ITGA11: variants seen among roughly 807,000 people sequenced by gnomAD.
The protein encoded by ITGA11 is integrin subunit alpha 11.
In ITGA11, 97 loss-of-function variants were observed where a neutral mutation model predicts 141.9. The observed-to-expected ratio is 0.68, with a 90% confidence interval of 0.58 to 0.81. The LOEUF is 0.81. ITGA11 is among the 30% of genes least tolerant of loss of function. The pLI is 0.00. For missense variants in ITGA11, 1,387 were observed against 1,559.2 expected, an observed-to-expected ratio of 0.89 and a Z score of 1.86; for synonymous variants, 658 against 624.6, an observed-to-expected ratio of 1.05 and a Z score of -0.80.
chr15:68,316,826 C>T (rs1893596374), intron 21 of ITGA11, among the ~76,000 whole-genome samples: 1 of 152,238 alleles, frequency 6.6e-6, no homozygotes, highest in Non-Finnish European at 1.5e-5. Context: ...CCTTTCCCAG[C>T]TACTTTGCTT....
At chr15:68,383,751 T>G (rs1382140235) in intron 2 of ITGA11, among the ~76,000 whole-genome samples, 1 of 152,170 alleles carries the variant, frequency 6.6e-6, no homozygotes, top group Non-Finnish European at 1.5e-5. Flanking sequence ...CAACATTTCT[T>G]TATTCTCCAC....
chr15:68,368,047 G>A (rs1895481932), intron 3 of ITGA11, among the ~76,000 whole-genome samples: 1 of 152,370 alleles, frequency 6.6e-6, no homozygotes, highest in South Asian at 2.1e-4. Flanking sequence ...GACAGCGGGA[G>A]CCTCCGGGAC....
intron 2 of ITGA11, among the ~76,000 whole-genome samples, chr15:68,377,270 T>C (rs1895751506): frequency 6.6e-6 from 1 of 152,184 alleles, no homozygotes; most frequent in Non-Finnish European, 1.5e-5. Context: ...TGCAAACTAA[T>C]ACTTTTGTTT....
Position 68,350,708 on chromosome 15 carries a change from G to A in ITGA11, c.969C>T (p.Asp323=). 1 of 1,613,918 alleles carries A rather than the reference G, an allele frequency of 6.2e-7. No homozygotes were observed. The highest frequency in any genetic ancestry group is 8.5e-7 in the Non-Finnish European group (1 of 1,179,852). ...CATTGAAGAAGTGCTTGTCATCAGG[G>A]TCACTGGCGATGTATTTGATTTCAT... ...FLNEIKYIAS[D]PDDKHFFNVT... The change falls in exon 9 of 30, where the codon GAC becomes GAT. Residue 323 remains aspartate (D), a synonymous_variant. Coordinates refer to ENST00000315757, the MANE Select transcript of ITGA11 (RefSeq NM_001004439.2).
Position 68,335,825 on chromosome 15 carries a change from C to T in ITGA11, c.1297G>A (p.Val433Met), listed in dbSNP as rs2306022. 0.078 allele frequency: 126,203 copies of T among 1,612,980 alleles called. 5,339 individuals are homozygous for T. The highest frequency in any genetic ancestry group is 0.088 in the Non-Finnish European group (103,331 of 1,179,438). Reference sequence around the variant, plus strand: ...TACACCCGCCCCTGCCTGGAGGACACGACCGATGTGACTGTGTACCCTGCC... The same window carrying T: ...TACACCCGCCCCTGCCTGGAGGACATGACCGATGTGACTGTGTACCCTGCC... ...AYLGYTVTSV[V>M]SSRQGRVYVA... The change falls in exon 12 of 30, where the codon GTG becomes ATG. Residue 433 changes from valine to methionine, a missense_variant. Physicochemically the swap from Val to Met is conservative, Grantham distance 21. Coordinates refer to ENST00000315757, the MANE Select transcript of ITGA11 (RefSeq NM_001004439.2). The surrounding 1 kb of genome is among the most constrained non-coding windows in gnomAD (Gnocchi z 4.9).
intron 11 of ITGA11, among the ~76,000 whole-genome samples, chr15:68,336,571 A>C (rs1434482980): frequency 6.6e-6 from 1 of 152,194 alleles, no homozygotes; most frequent in Non-Finnish European, 1.5e-5. Flanking sequence ...TCGCCCACCC[A>C]GTACCCAGGA....
intron 15 of ITGA11, among the ~76,000 whole-genome samples, chr15:68,330,678 G>A (rs767169153): frequency 1.3e-5 from 2 of 152,106 alleles, no homozygotes; most frequent in Non-Finnish European, 1.5e-5. Flanking sequence ...GTAAAAACAC[G>A]CTCAACTTGC....
intron 7 of ITGA11, among the ~76,000 whole-genome samples, chr15:68,353,899 G>T (rs1445682872): frequency 6.6e-6 from 1 of 151,990 alleles, no homozygotes; most frequent in South Asian, 2.1e-4. Context: ...CTCTGGTCCT[G>T]CTCACTCACC....
intron 24 of ITGA11, among the ~76,000 whole-genome samples, chr15:68,312,382 G>A (rs1168549543): frequency 6.6e-6 from 1 of 152,150 alleles, no homozygotes; most frequent in Non-Finnish European, 1.5e-5. Context: ...TGTACTGTGA[G>A]GTGAACTGGA....
chr15:68,405,613 A>G (rs1336443236), intron 1 of ITGA11, among the ~76,000 whole-genome samples: 1 of 152,192 alleles, frequency 6.6e-6, no homozygotes, highest in African/African-American at 2.4e-5. Context: ...CTTGGAGAAG[A>G]GGACTCTGTT....
chr15:68,384,840 C>G (rs573336618), intron 2 of ITGA11, among the ~76,000 whole-genome samples: 2 of 152,104 alleles, frequency 1.3e-5, no homozygotes, highest in African/African-American at 4.8e-5. Context: ...GGATGTTGCT[C>G]AGAAAGGCTT....
intron 2 of ITGA11, among the ~76,000 whole-genome samples, chr15:68,390,632 A>G (rs889433301): frequency 1.3e-5 from 2 of 152,194 alleles, no homozygotes; most frequent in African/African-American, 4.8e-5. Context: ...CATACCACAG[A>G]GGCAGGAAGA....
intron 20 of ITGA11, 150 bp from the exon 21 acceptor site, chr15:68,317,513 A>T: frequency 1.5e-6 from 1 of 645,418 alleles, no homozygotes; most frequent in Admixed American, 2.5e-5. Context: ...AGCCCTTCTG[A>T]TGTCTGAGAC....
chr15:68,326,343 T>C lies in ITGA11; in HGVS notation c.2211+311A>G, dbSNP rs1889035061. The stretch of plus-strand genomic sequence containing the variant: ...GCTGCTGCCTGCTTATCCCTCCCTT[T>C]GGGGCTGTGCCCCCCACCAGCTGCT... On this transcript the variant is annotated intron_variant, in intron 17 of 29. Coordinates refer to ENST00000315757, the MANE Select transcript of ITGA11 (RefSeq NM_001004439.2). The surrounding 1 kb of genome is among the most constrained non-coding windows in gnomAD (Gnocchi z 6.8). Among the ~76,000 whole-genome samples the C allele has an allele frequency of 6.6e-6, 1 of 152,192 alleles. No homozygotes were observed. The highest frequency in any genetic ancestry group is 2.4e-5 in the African/African-American group (1 of 41,454).
chr15:68,307,731 TG>T lies in ITGA11; in HGVS notation c.3175-36del. The T allele has an allele frequency of 6.7e-7, 1 of 1,488,486 alleles. No individual in the cohort carries two copies. The highest frequency in any genetic ancestry group is 9.4e-7 in the Non-Finnish European group (1 of 1,069,476). 92.2% of individuals were successfully genotyped at this position (1,488,486 alleles called of 1,614,324 possible). ...AAGATGGGTCTCAGGGCTGAGCTGCTGGGCTAGGGGAGCAGGGGGCAGCAAC... is the reference window on the plus strand; with the variant it reads ...AAGATGGGTCTCAGGGCTGAGCTGCTGGCTAGGGGAGCAGGGGGCAGCAAC... On this transcript the variant is annotated intron_variant, in intron 26 of 29. Coordinates refer to ENST00000315757, the MANE Select transcript of ITGA11 (RefSeq NM_001004439.2). The surrounding 1 kb of genome is among the most constrained non-coding windows in gnomAD (Gnocchi z 6.1).
intron 1 of ITGA11, among the ~76,000 whole-genome samples, chr15:68,409,279 C>T (rs1006566068): frequency 3.3e-5 from 5 of 152,202 alleles, no homozygotes; most frequent in Admixed American, 1.3e-4. Context: ...AGCTGCCTTC[C>T]CTTCTGCCTT....
chr15:68,351,380 C>G lies in ITGA11; in HGVS notation c.772G>C (p.Gly258Arg). The change falls in exon 8 of 30, where the codon GGA becomes CGA. Residue 258 changes from glycine (G) to arginine (R), a missense_variant. Coordinates refer to ENST00000315757, the MANE Select transcript of ITGA11 (RefSeq NM_001004439.2). Reference protein sequence around the residue: ...FARSEAFQKGGRKGAKKVMIV... With the variant: ...FARSEAFQKGRRKGAKKVMIV... ...ATCACCTTCTTGGCTCCTTTCCTTC[C>G]ACCCTTCTGGAAAGCCTCTGAGCTG... 1 of 1,613,966 alleles carries G rather than the reference C, an allele frequency of 6.2e-7. No individual in the cohort carries two copies. The highest frequency in any genetic ancestry group is 8.5e-7 in the Non-Finnish European group (1 of 1,179,872).
In ITGA11 at chr15:68,350,800, C is replaced by T. The variant is rs747648217; in HGVS notation, c.895-18G>A. ...CCCAGGACCTGCCAGGGAACAGGGG[C>T]AGGAACCACAAACCAGAACATAGCA... On this transcript the variant is annotated intron_variant, in intron 8 of 29. Transcript: ENST00000315757. 3.1e-6 allele frequency: 5 copies of T among 1,604,376 alleles called. No individual in the cohort carries two copies. The Admixed American group carries it at 6.7e-5, about 22-fold the overall frequency.
At chr15:68,330,197 TGTA>T (rs1312758853) in intron 15 of ITGA11, among the ~76,000 whole-genome samples, 1 of 152,222 alleles carries the variant, frequency 6.6e-6, no homozygotes, top group Non-Finnish European at 1.5e-5. Context: ...CCCCTTGGGT[TGTA>T]GTATTCTTGT....
Sources: gnomAD v4.1 joint callset for allele counts (sites outside exome capture counted in the v4.1 genomes callset) on GRCh38, gnomAD v4.1.1 for gene constraint, Gnocchi (gnomAD v3.1) non-coding constraint, MANE v1.5 for transcripts, NCBI Gene and HGNC (gene_info 2026-07-23, HGNC 2026-07-21) for gene names.